Variants in RPUSD1 observed in about 807,000 individuals in gnomAD.
RPUSD1 encodes the protein RNA pseudouridine synthase domain containing 1, also known as pseudouridylate synthase RPUSD1.
Under a neutral mutation model 22.4 loss-of-function variants are expected in RPUSD1, and 28 were observed. The ratio of observed to expected loss-of-function variants is 1.25; its 90% confidence interval spans 0.93 to 1.72. The LOEUF (loss-of-function observed/expected upper bound fraction) is 1.72, where lower values mean the gene tolerates loss of function less well. Ranked by LOEUF, RPUSD1 falls within the 40% of genes most tolerant of loss-of-function variation. The pLI, the probability that RPUSD1 is intolerant of heterozygous loss-of-function variation, is 0.00. For missense variants in RPUSD1, 596 were observed against 442.2 expected (o/e 1.35, Z -3.12); for synonymous variants, 298 against 201.0 (o/e 1.48, Z -4.08).
intron 3 of RPUSD1, 68 bp downstream of exon 3, chr16:787,286 C>G (rs575952344): frequency 1.3e-4 from 194 of 1,548,378 alleles, no homozygotes; most frequent in Admixed American, 5.1e-4. Flanking sequence ...GGCTCTGAGC[C>G]AGGGCTGCCC....
intron 5 of RPUSD1, 56 bp downstream of exon 5, chr16:786,771 C>A (rs757795299): frequency 1.3e-5 from 19 of 1,428,418 alleles, no homozygotes; most frequent in Non-Finnish European, 1.6e-5. Context: ...GCTTCGTGGC[C>A]CTGTGCCTCA....
chr16:786,600 G>A, intron 5 of RPUSD1: 3 of 740,258 alleles, frequency 4.1e-6, no homozygotes, highest in Non-Finnish European at 4.8e-6. Context: ...GTGGTGCTCG[G>A]TCCTGGAGAA....
chr16:787,908 C>G, intron 1 of RPUSD1, 164 bp from the exon 2 acceptor site: 1 of 668,134 alleles, frequency 1.5e-6, no homozygotes, highest in South Asian at 1.9e-5. Context: ...AGATCAGTCC[C>G]CAGGGCGTCA....
At chr16:787,228 G>C in intron 3 of RPUSD1, 49 bp from the exon 4 acceptor site, 1 of 1,558,196 alleles carries the variant, frequency 6.4e-7, no homozygotes, top group Non-Finnish European at 8.7e-7. Flanking sequence ...GCCCAGTGCT[G>C]CCGGGGAGCC....
rs530866842 is a variant in RPUSD1, at chr16:785,874, T to C, written c.*76A>G. On this transcript the variant is annotated 3_prime_UTR_variant, in exon 6 of 6. Coordinates refer to ENST00000007264, the MANE Select transcript of RPUSD1 (RefSeq NM_058192.3). ...TGGCACCTCGAGGCCCCAGAGCCAG[T>C]GAGCAGACGCTCGCTCGCCCATCTC... is the stretch of plus-strand genomic sequence containing the variant. 4.7e-6 allele frequency: 6 copies of C among 1,277,140 alleles called. No individual in the cohort carries two copies. The African/African-American group carries it at 6.1e-5, about 13-fold the overall frequency. The allele number at this position is 1,277,140 out of a possible 1,614,324, so 79.1% of individuals were successfully genotyped here.
rs61746673 is a variant in RPUSD1 at position 786,119 on chromosome 16, G to T, written c.770C>A (p.Thr257Asn). ...CCTATCCTCGGGGTCAGGGTCGGGGGTGGCCCGTAAGGCCTGCACGAGCTG... is the reference window on the plus strand; with the variant it reads ...CCTATCCTCGGGGTCAGGGTCGGGGTTGGCCCGTAAGGCCTGCACGAGCTG... ...LDQLVQALRA[T>N]PDPDPEDRGP... The change falls in exon 6 of 6, where the codon ACC (threonine) becomes AAC (asparagine). Residue 257 changes from threonine (T) to asparagine (N), a missense_variant. Physicochemically the swap from Thr to Asn is moderately conservative, Grantham distance 65. Coordinates refer to ENST00000007264, the MANE Select transcript of RPUSD1 (RefSeq NM_058192.3). The T allele has an allele frequency of 5.4e-5, 86 of 1,598,472 alleles. No individual in the cohort carries two copies. The highest frequency in any genetic ancestry group is 2.2e-5 in the South Asian group (2 of 90,696).
rs377210880 is a variant in RPUSD1 at position 786,784 on chromosome 16, T to C, written c.511+43A>G. 4 of 1,525,434 alleles carry C rather than the reference T, an allele frequency of 2.6e-6. No individual in the cohort carries two copies. In the African/African-American group the frequency reaches 5.5e-5, roughly 21 times the overall value. 94.5% of individuals were successfully genotyped at this position (1,525,434 alleles called of 1,614,324 possible). On this transcript the variant is annotated intron_variant, in intron 5 of 5. Transcript: ENST00000007264. The stretch of plus-strand genomic sequence containing the variant: ...AAGCTTCGTGGCCCTGTGCCTCAGT[T>C]TCCCTTCTGTCACCACCAGGACACC...
In RPUSD1 at chr16:788,138, G is replaced by A. The variant is rs370412371; in HGVS notation, c.-8+118C>T. 5.3e-5 allele frequency: 24 copies of A among 454,368 alleles called. No homozygotes were observed. The East Asian group carries it at 1.3e-3, about 24-fold the overall frequency. 28.1% of individuals were successfully genotyped at this position (454,368 alleles called of 1,614,324 possible). A position where few individuals can be genotyped will look rare whatever the true frequency, so the allele number is the denominator to read the frequency against. On this transcript the variant is annotated intron_variant, in intron 1 of 5. Transcript: ENST00000007264. ...CCAGGTCTGCCCGCAGCGCGGGTTA[G>A]GGCTGGGGCCTCCTCGCTCCCCGCA...
Position 785,967 on chromosome 16 carries a change from G to T in RPUSD1, c.922C>A (p.Leu308Met). The change falls in exon 6 of 6, where the codon CTG becomes ATG. Residue 308 changes from leucine (L) to methionine (M), a missense_variant. Transcript: ENST00000007264. ...CACGGCTCTCAGCTGTCCGGTTCCAGCGTCCACTCCGACAGCCACTGCAGG... is the reference window on the plus strand; with the variant it reads ...CACGGCTCTCAGCTGTCCGGTTCCATCGTCCACTCCGACAGCCACTGCAGG... ...PCLQWLSEWTLEPDS is the reference protein window; with the variant it reads ...PCLQWLSEWTMEPDS The T allele has an allele frequency of 6.9e-7, 1 of 1,441,340 alleles. No homozygotes were observed. 89.3% of individuals were successfully genotyped at this position (1,441,340 alleles called of 1,614,324 possible). A position where few individuals can be genotyped will look rare whatever the true frequency, so the allele number is the denominator to read the frequency against.
Position 787,383 on chromosome 16 carries a change from G to C in RPUSD1, c.277C>G (p.Arg93Gly). The C allele has an allele frequency of 1.3e-6, 2 of 1,590,174 alleles. No individual in the cohort carries two copies. The highest frequency in any genetic ancestry group is 2.3e-5 in the South Asian group (2 of 88,118). ...AGSAYRCFKE[R>G]RVTKAYLALL... Reference sequence around the variant, plus strand: ...GCCAGGTAAGCCTTGGTCACGCGCCGCTCCTTGAAGCACCTGTACGCGCTG... The same window carrying C: ...GCCAGGTAAGCCTTGGTCACGCGCCCCTCCTTGAAGCACCTGTACGCGCTG... The change falls in exon 3 of 6, where the codon CGG becomes GGG. Residue 93 changes from arginine (R) to glycine (G), a missense_variant. By Grantham distance (125) the Arg-to-Gly change is moderately radical. Coordinates refer to ENST00000007264, the MANE Select transcript of RPUSD1 (RefSeq NM_058192.3).
Position 786,881 on chromosome 16 carries a change from G to A in RPUSD1, c.457C>T (p.His153Tyr), listed in dbSNP as rs1379740179. 6.2e-7 allele frequency: 1 copy of A among 1,613,380 alleles called. No homozygotes were observed. The highest frequency in any genetic ancestry group is 1.7e-5 in the Admixed American group (1 of 60,018). ...ACAGGATCGCCTGCGTACAGCCCGT[G>A]TTCCAGAACCACGAGATCTGTGAGG... is the stretch of plus-strand genomic sequence containing the variant. ...PSLTDLVVLE[H>Y]GLYAGDPVSK... Residue 153 changes from histidine (H) to tyrosine (Y), a missense_variant, in exon 5 of 6, where the codon CAC becomes TAC. His to Tyr is a moderately conservative substitution (Grantham distance 83). Coordinates refer to ENST00000007264, the MANE Select transcript of RPUSD1 (RefSeq NM_058192.3).
At position 787,473 on chromosome 16, in the gene RPUSD1, A is replaced by G. The variant is rs781759828; in HGVS notation, c.187T>C (p.Cys63Arg). The G allele has an allele frequency of 1.3e-6, 2 of 1,587,604 alleles. No individual in the cohort carries two copies. The highest frequency in any genetic ancestry group is 3.5e-5 in the Admixed American group (2 of 57,030). Residue 63 changes from cysteine (C) to arginine (R), a missense_variant, in exon 3 of 6, where the codon TGC (cysteine) becomes CGC (arginine). Transcript: ENST00000007264. ...DPDTCYGFRF[C>R]HQLDFSTSGA... ...CTGGTGGAGAAATCCAGCTGGTGGC[A>G]GAACCTGGAGTGGGACAGAGTCCAG...
In RPUSD1 at chr16:786,298, C is replaced by T. The variant is rs557651339; in HGVS notation, c.591G>A (p.Ser197=). The T allele has an allele frequency of 1.6e-5, 26 of 1,612,726 alleles. No individual in the cohort carries two copies. Among genetic ancestry groups the T allele is most frequent in the East Asian group, 4.5e-5 (2 of 44,878 alleles). Residue 197 remains serine (S), a synonymous_variant, in exon 6 of 6, where the codon TCG becomes TCA. Coordinates refer to ENST00000007264, the MANE Select transcript of RPUSD1 (RefSeq NM_058192.3). Reference sequence around the variant, plus strand: ...TTCTGAACGGCCGGTCCTCCCGGCCCGAGACTTCTCCGTAGGTCAGGTCGC... The same window carrying T: ...TTCTGAACGGCCGGTCCTCCCGGCCTGAGACTTCTCCGTAGGTCAGGTCGC... ...VVGDLTYGEV[S]GREDRPFRMM...
chr16:787,084 G>C lies in RPUSD1; in HGVS notation c.402C>G (p.Gly134=), dbSNP rs1040386369. The C allele has an allele frequency of 2.5e-6, 4 of 1,605,672 alleles. No homozygotes were observed. The Middle Eastern group carries it at 6.6e-4, about 265-fold the overall frequency. ...GGTCCCTGCCTGCCACACCCTGCGA[G>C]CCCTCGATGCACATGGTGTGGGCCC... ...EGRAHTMCIE[G]SQGCENPKPS... The change falls in exon 4 of 6, where the codon GGC becomes GGG. Residue 134 remains glycine (G), a synonymous_variant. Coordinates refer to ENST00000007264, the MANE Select transcript of RPUSD1 (RefSeq NM_058192.3).
Position 786,002 on chromosome 16 carries a change from CG to C in RPUSD1, c.886del (p.Arg296GlyfsTer34). The C allele has an allele frequency of 1.4e-6, 2 of 1,465,656 alleles. No homozygotes were observed. The highest frequency in any genetic ancestry group is 1.8e-6 in the Non-Finnish European group (2 of 1,112,958). The allele number at this position is 1,465,656 out of a possible 1,614,324, so 90.8% of individuals were successfully genotyped here. ...PTKPPETEAQ[R>X]GPCLQWLSEW... ...CGACAGCCACTGCAGGCAGGGGCCC[CG>C]CTGTGCCTCAGTCTCAGGGGGCTTG... On this transcript the variant is annotated frameshift_variant, in exon 6 of 6. Coordinates refer to ENST00000007264, the MANE Select transcript of RPUSD1 (RefSeq NM_058192.3). LOFTEE classifies it high-confidence loss of function.
rs2151636810 is a variant in RPUSD1, at chr16:788,280, G to A, written c.-32C>T. On this transcript the variant is annotated 5_prime_UTR_variant, in exon 1 of 6. Transcript: ENST00000007264. ...CCTGCTGCCGGGCCGTGCAGTCCAG[G>A]CCCCCGATGCCGTGCCCGGCGCCGG... 2 of 256,160 alleles carry A rather than the reference G, an allele frequency of 7.8e-6. No homozygotes were observed. Among genetic ancestry groups the A allele is most frequent in the East Asian group, 1.7e-4 (1 of 5,982 alleles). The allele number at this position is 256,160 out of a possible 1,614,324, so 15.9% of individuals were successfully genotyped here. A position where few individuals can be genotyped will look rare whatever the true frequency, so the allele number is the denominator to read the frequency against.
intron 3 of RPUSD1, 59 bp downstream of exon 3, chr16:787,295 C>G: frequency 6.4e-7 from 1 of 1,550,742 alleles, no homozygotes. Flanking sequence ...CCAGGGCTGC[C>G]CAAGTGGGGT....
chr16:785,842 T>G lies in RPUSD1; in HGVS notation c.*108A>C. 1 of 1,055,404 alleles carries G rather than the reference T, an allele frequency of 9.5e-7. No homozygotes were observed. The highest frequency in any genetic ancestry group is 1.3e-6 in the Non-Finnish European group (1 of 788,302). The allele number at this position is 1,055,404 out of a possible 1,614,324, so 65.4% of individuals were successfully genotyped here. On this transcript the variant is annotated 3_prime_UTR_variant, in exon 6 of 6. Coordinates refer to ENST00000007264, the MANE Select transcript of RPUSD1 (RefSeq NM_058192.3). Reference sequence around the variant, plus strand: ...GGCCGGGGCAACCCAGTGGGCCTGATGCTGCCTGGCACCTCGAGGCCCCAG... The same window carrying G: ...GGCCGGGGCAACCCAGTGGGCCTGAGGCTGCCTGGCACCTCGAGGCCCCAG...
intron 5 of RPUSD1, 144 bp from the exon 6 acceptor site, chr16:786,521 T>C (rs1252142618): frequency 1.9e-5 from 15 of 800,182 alleles, no homozygotes; most frequent in Non-Finnish European, 2.9e-5. Context: ...TCCCCTGCCA[T>C]GAGTGAGGAT....
Sources: gnomAD v4.1 joint callset for allele counts on GRCh38, gnomAD v4.1.1 for gene constraint, MANE v1.5 for transcripts, NCBI Gene and HGNC (gene_info 2026-07-23, HGNC 2026-07-21) for gene names.